Variants in MPP7 observed in about 807,000 individuals in gnomAD.
MPP7 encodes MAGUK p55 subfamily member 7.
Under a neutral mutation model 76.5 loss-of-function variants are expected in MPP7, and 60 were observed. The observed-to-expected ratio is 0.78, with a 90% confidence interval of 0.64 to 0.97. The LOEUF (loss-of-function observed/expected upper bound fraction) is 0.97, where lower values mean the gene tolerates loss of function less well. Ranked by LOEUF, MPP7 falls within the 50% of genes least tolerant of loss-of-function variation. The pLI is 0.00. For missense variants in MPP7, 641 were observed against 694.0 expected, an observed-to-expected ratio of 0.92 and a Z score of 0.86; for synonymous variants, 237 against 244.5, an observed-to-expected ratio of 0.97 and a Z score of 0.29.
chr10:28,161,251 T>C (rs899704503), intron 3 of MPP7, among the ~76,000 whole-genome samples: 1 of 152,180 alleles, frequency 6.6e-6, no homozygotes, highest in African/African-American at 2.4e-5. Flanking sequence ...TAACATAAAA[T>C]GTAATTTGCT....
At chr10:28,282,250 G>A (rs1368690422) in intron 1 of MPP7, 1 of 152,040 alleles carries the variant, frequency 6.6e-6, no homozygotes, top group Non-Finnish European at 1.5e-5. Context: ...CAGCAAATGT[G>A]GCTGCCCGCT....
At chr10:28,137,856 T>C (rs1210944883) in intron 5 of MPP7, among the ~76,000 whole-genome samples, 2 of 152,180 alleles carry the variant, frequency 1.3e-5, no homozygotes, top group Non-Finnish European at 2.9e-5. Flanking sequence ...TTGTAACTCA[T>C]CAGACTCACA....
intron 1 of MPP7, among the ~76,000 whole-genome samples, chr10:28,284,971 TA>T (rs1564757685): frequency 6.6e-6 from 1 of 152,208 alleles, no homozygotes; most frequent in Non-Finnish European, 1.5e-5. Context: ...ACTTTCAGAA[TA>T]GAACAAAATG....
At chr10:28,116,031 T>C (rs1322419742) in intron 11 of MPP7, among the ~76,000 whole-genome samples, 1 of 152,182 alleles carries the variant, frequency 6.6e-6, no homozygotes, top group Non-Finnish European at 1.5e-5. Flanking sequence ...TTTTAGGTTC[T>C]TATATTTTGA....
At chr10:28,233,676 C>T (rs1052362016) in intron 2 of MPP7, among the ~76,000 whole-genome samples, 1 of 150,994 alleles carries the variant, frequency 6.6e-6, no homozygotes, top group Non-Finnish European at 1.5e-5. Flanking sequence ...CTAGACAGCG[C>T]CACTGCATTC....
At chr10:28,259,999 A>C (rs1248992212) in intron 1 of MPP7, among the ~76,000 whole-genome samples, 1 of 152,162 alleles carries the variant, frequency 6.6e-6, no homozygotes, top group East Asian at 1.9e-4. Flanking sequence ...CCCCATAACA[A>C]GAAAAGCATA....
At chr10:28,104,128 C>T (rs1853963316) in intron 11 of MPP7, among the ~76,000 whole-genome samples, 1 of 151,840 alleles carries the variant, frequency 6.6e-6, no homozygotes, top group Non-Finnish European at 1.5e-5. Flanking sequence ...ACAGATTTGG[C>T]TAGGTGAAAA....
At chr10:28,280,514 C>A (rs1178586465) in intron 1 of MPP7, among the ~76,000 whole-genome samples, 1 of 151,894 alleles carries the variant, frequency 6.6e-6, no homozygotes, top group Non-Finnish European at 1.5e-5. Flanking sequence ...GGTTGAATTC[C>A]CTGATGCAGA....
At chr10:28,057,253 A>G (rs940807013) in intron 15 of MPP7, among the ~76,000 whole-genome samples, 1 of 152,170 alleles carries the variant, frequency 6.6e-6, no homozygotes, top group Non-Finnish European at 1.5e-5. Flanking sequence ...GGTGCCTGAT[A>G]TGGTTTGGAT....
At chr10:28,280,310 G>A (rs1220530686) in intron 1 of MPP7, among the ~76,000 whole-genome samples, 1 of 151,974 alleles carries the variant, frequency 6.6e-6, no homozygotes, top group Non-Finnish European at 1.5e-5. Context: ...ATAACCCAGT[G>A]TTTGCAAATA....
intron 1 of MPP7, among the ~76,000 whole-genome samples, chr10:28,258,206 G>A (rs1294255510): frequency 2.0e-5 from 3 of 148,036 alleles, no homozygotes; most frequent in African/African-American, 7.5e-5. Flanking sequence ...TCACACTCCT[G>A]TCACCTTTTC....
chr10:28,101,502 A>G (rs759065812), intron 11 of MPP7, among the ~76,000 whole-genome samples: 25 of 152,156 alleles, frequency 1.6e-4, no homozygotes, highest in Non-Finnish European at 2.8e-4. Context: ...ATAACAACAA[A>G]TGGACAGTTT....
intron 11 of MPP7, among the ~76,000 whole-genome samples, chr10:28,103,138 TCAGA>T (rs61130997): frequency 0.35 from 52,436 of 148,370 alleles, 12,702 homozygotes; most frequent in East Asian, 0.94. Context: ...TGTTGGGGGG[TCAGA>T]CCGTGCACAT....
At chr10:28,299,880 C>A (rs1198881561) in intron 1 of MPP7, among the ~76,000 whole-genome samples, 2 of 151,002 alleles carry the variant, frequency 1.3e-5, no homozygotes, top group South Asian at 2.1e-4. Flanking sequence ...AATTCTCCTG[C>A]CTCAGCCTCC....
At chr10:28,203,305 T>A (rs192572571) in intron 2 of MPP7, 1 of 152,138 alleles carries the variant, frequency 6.6e-6, no homozygotes, top group Non-Finnish European at 1.5e-5. Context: ...TAGCAAAGAA[T>A]AGTAAATTAT....
At chr10:28,099,000 T>C (rs571652705) in intron 11 of MPP7, among the ~76,000 whole-genome samples, 1 of 152,322 alleles carries the variant, frequency 6.6e-6, no homozygotes, top group African/African-American at 2.4e-5. Flanking sequence ...CAAATTATTA[T>C]ATTCTTTGGC....
chr10:28,271,482 C>A (rs1385687423), intron 1 of MPP7, among the ~76,000 whole-genome samples: 1 of 152,134 alleles, frequency 6.6e-6, no homozygotes, highest in Admixed American at 6.6e-5. Context: ...ATTTGAAATA[C>A]CTTGTCTAAT....
intron 13 of MPP7, among the ~76,000 whole-genome samples, chr10:28,067,805 A>G (rs1379740508): frequency 6.6e-6 from 1 of 152,204 alleles, no homozygotes; most frequent in African/African-American, 2.4e-5. Flanking sequence ...TACAACAAAG[A>G]TAGTCTGTAG....
intron 1 of MPP7, among the ~76,000 whole-genome samples, chr10:28,264,758 G>C (rs889584064): frequency 2.6e-5 from 4 of 152,090 alleles, no homozygotes; most frequent in African/African-American, 9.7e-5. Flanking sequence ...TAAAAGGTAA[G>C]TGTTGGAATG....
Sources: gnomAD v4.1 joint callset for allele counts (sites outside exome capture counted in the v4.1 genomes callset) on GRCh38, gnomAD v4.1.1 for gene constraint, MANE v1.5 for transcripts, NCBI Gene and HGNC (gene_info 2026-07-23, HGNC 2026-07-21) for gene names.